IQSEC3: variants seen among roughly 807,000 people sequenced by gnomAD.
IQSEC3 encodes IQ motif and SEC7 domain-containing protein 3.
A neutral mutation model predicts 105.4 loss-of-function variants in IQSEC3; 50 were observed. The ratio of observed to expected loss-of-function variants is 0.47; its 90% confidence interval spans 0.38 to 0.60. IQSEC3 has a LOEUF of 0.60. IQSEC3 is among the 20% of genes least tolerant of loss of function. IQSEC3 has a pLI of 0.00. For synonymous variants in IQSEC3, 708 were observed against 746.0 expected, an observed-to-expected ratio of 0.95 and a Z score of 0.83; for missense variants, 1,415 against 1,630.0, an observed-to-expected ratio of 0.87 and a Z score of 2.27.
intron 2 of IQSEC3, among the ~76,000 whole-genome samples, chr12:101,373 G>T (rs1399432392): frequency 6.6e-6 from 1 of 152,192 alleles, no homozygotes; most frequent in Non-Finnish European, 1.5e-5. Flanking sequence ...ATTTTCCAGG[G>T]TTTGAGGTGG....
chr12:108,288 G>A (rs531149490), intron 2 of IQSEC3, among the ~76,000 whole-genome samples: 38 of 152,362 alleles, frequency 2.5e-4, no homozygotes, highest in African/African-American at 7.9e-4. Flanking sequence ...TTCCAAAGGT[G>A]TGTACTACTC....
At position 138,472 on chromosome 12, in the gene IQSEC3, T is replaced by C; in HGVS notation, c.1109T>C (p.Leu370Pro). The change falls in exon 4 of 14, where the codon CTC (leucine) becomes CCC (proline). Residue 370 changes from leucine (L) to proline (P), a missense_variant. This residue lies in a region of IQSEC3 where 720 missense variants were observed against 633.0 expected (regional missense o/e 1.14). Coordinates refer to ENST00000538872, the MANE Select transcript of IQSEC3 (RefSeq NM_001170738.2). The surrounding 1 kb of genome is among the most constrained non-coding windows in gnomAD (Gnocchi z 7.1). ...TAESLAAEKA[L>P]MEGYGLVGLP... The stretch of plus-strand genomic sequence containing the variant: ...GAGAGCCTGGCGGCCGAGAAAGCGC[T>C]CATGGAGGGCTACGGCCTCGTGGGG... The C allele has an allele frequency of 6.3e-7, 1 of 1,599,956 alleles. No individual in the cohort carries two copies. Among genetic ancestry groups the C allele is most frequent in the East Asian group, 2.2e-5 (1 of 44,660 alleles).
chr12:132,378 C>T (rs1298353661), intron 3 of IQSEC3, among the ~76,000 whole-genome samples: 3 of 152,054 alleles, frequency 2.0e-5, no homozygotes, highest in South Asian at 2.1e-4. Context: ...CAGGAAGAAG[C>T]GTTTTTATCT....
intron 5 of IQSEC3, among the ~76,000 whole-genome samples, chr12:154,444 T>C (rs2137034716): frequency 6.6e-6 from 1 of 152,106 alleles, no homozygotes; most frequent in Admixed American, 6.5e-5. Context: ...GGAACGTGGA[T>C]GTGGGAAGCC....
At chr12:151,775 C>T (rs1330184155) in intron 5 of IQSEC3, among the ~76,000 whole-genome samples, 4 of 152,112 alleles carry the variant, frequency 2.6e-5, no homozygotes, top group Non-Finnish European at 5.9e-5. Flanking sequence ...CGGACCCTGC[C>T]TAGGTCCTTG....
At chr12:85,535 T>A (rs1397179456) in intron 1 of IQSEC3, among the ~76,000 whole-genome samples, 3 of 152,224 alleles carry the variant, frequency 2.0e-5, no homozygotes, top group Non-Finnish European at 4.4e-5. Context: ...TTTCTGACAG[T>A]GCCACCCTGC....
chr12:95,394 C>T (rs893079449), intron 1 of IQSEC3, among the ~76,000 whole-genome samples: 25 of 152,126 alleles, frequency 1.6e-4, no homozygotes, highest in Non-Finnish European at 8.8e-5. Flanking sequence ...TAAACATTGC[C>T]CATGATCTAG....
intron 5 of IQSEC3, among the ~76,000 whole-genome samples, chr12:153,850 A>T (rs74618680): frequency 6.6e-6 from 1 of 152,172 alleles, no homozygotes; most frequent in Non-Finnish European, 1.5e-5. Flanking sequence ...CCTTGCACTC[A>T]GCTCAGTCTT....
intron 1 of IQSEC3, among the ~76,000 whole-genome samples, chr12:73,293 C>A (rs1296638045): frequency 6.6e-6 from 1 of 152,354 alleles, no homozygotes; most frequent in Non-Finnish European, 1.5e-5. Context: ...TTCTTTTAGC[C>A]TCTGTTTTTC....
intron 1 of IQSEC3, among the ~76,000 whole-genome samples, chr12:69,949 G>C (rs1287086711): frequency 1.3e-5 from 2 of 152,270 alleles, no homozygotes; most frequent in African/African-American, 2.4e-5. Flanking sequence ...AGGAGGAGGA[G>C]AGCAGAGCCA....
chr12:91,692 G>A (rs1555073470), intron 1 of IQSEC3, among the ~76,000 whole-genome samples: 2 of 152,102 alleles, frequency 1.3e-5, no homozygotes, highest in African/African-American at 4.8e-5. Context: ...CTTGAGCCTG[G>A]GAGGTTGGAG....
At chr12:76,454 C>T (rs1371227022) in intron 1 of IQSEC3, among the ~76,000 whole-genome samples, 2 of 152,258 alleles carry the variant, frequency 1.3e-5, no homozygotes, top group Admixed American at 1.3e-4. Flanking sequence ...ACTAAAGATG[C>T]ATAGGCTTCA....
At position 133,751 on chromosome 12, in the gene IQSEC3, A is replaced by C. The variant is rs539137267; in HGVS notation, c.904-4516A>C. On this transcript the variant is annotated intron_variant, in intron 3 of 13. Transcript: ENST00000538872. ...GCAGAGGTTAGTGTTCTGGAGGTTC[A>C]GTGTAAAATAGGAAGAAAGGGAACA... Among the ~76,000 whole-genome samples the C allele has an allele frequency of 2.0e-5, 3 of 149,120 alleles. No individual in the cohort carries two copies. The South Asian group carries it at 6.5e-4, about 32-fold the overall frequency.
chr12:156,959 C>G, intron 5 of IQSEC3, 66 bp from the exon 6 acceptor site: 1 of 1,440,760 alleles, frequency 6.9e-7, no homozygotes, highest in Non-Finnish European at 9.2e-7. Context: ...CAGAGGCCAG[C>G]GAGAATGGGT....
chr12:128,553 C>T (rs117665993), intron 3 of IQSEC3, among the ~76,000 whole-genome samples: 2 of 152,110 alleles, frequency 1.3e-5, no homozygotes, highest in African/African-American at 4.8e-5. Context: ...GCCCACCGAC[C>T]CGCCAAGCCT....
At chr12:91,824 G>C (rs1864096279) in intron 1 of IQSEC3, among the ~76,000 whole-genome samples, 1 of 152,032 alleles carries the variant, frequency 6.6e-6, no homozygotes, top group Admixed American at 6.6e-5. Flanking sequence ...GTTCTTTCCT[G>C]ACTGACCCCC....
chr12:120,391 A>C (rs1395189211), intron 2 of IQSEC3, among the ~76,000 whole-genome samples: 1 of 152,090 alleles, frequency 6.6e-6, no homozygotes, highest in African/African-American at 2.4e-5. Context: ...CTCGGTGGGG[A>C]TGAGGGTAGA....
rs750813854 is a variant in IQSEC3 at position 174,994 on chromosome 12, C to T, written c.3510C>T (p.His1170=). 98 of 1,576,494 alleles carry T rather than the reference C, an allele frequency of 6.2e-5. No individual in the cohort carries two copies. Among genetic ancestry groups the T allele is most frequent in the Middle Eastern group, 2.2e-4 (1 of 4,570 alleles). The stretch of plus-strand genomic sequence containing the variant: ...TCTGTCCCCCAGGCTCCCTGCTGCA[C>T]GGGCACCGCTACTCCAGTGGCTCAA... ...HQFCPPGSLL[H]GHRYSSGSRS... is the part of the protein sequence containing the mutation. Residue 1170 remains histidine, a synonymous_variant, in exon 14 of 14, where the codon CAC becomes CAT. Coordinates refer to ENST00000538872, the MANE Select transcript of IQSEC3 (RefSeq NM_001170738.2).
At chr12:173,345 T>C (rs1361483002) in intron 13 of IQSEC3, among the ~76,000 whole-genome samples, 1 of 152,060 alleles carries the variant, frequency 6.6e-6, no homozygotes, top group Non-Finnish European at 1.5e-5. Context: ...GTGGGGCTCA[T>C]GAATACTGAG....
Sources: allele counts gnomAD v4.1 joint callset (sites outside exome capture counted in the v4.1 genomes callset), GRCh38; gene constraint gnomAD v4.1.1; regional missense constraint gnomAD v4.1.1; non-coding constraint Gnocchi (gnomAD v3.1); transcripts MANE v1.5; gene names NCBI Gene and HGNC (gene_info 2026-07-23, HGNC 2026-07-21).